Variants in HEMK1 observed in about 807,000 individuals in gnomAD.
HEMK1 encodes the protein MTRF1L release factor glutamine methyltransferase.
HEMK1 carries 36 observed loss-of-function variants against 47.9 expected under a neutral mutation model. That is an observed-to-expected ratio of 0.75 (90% CI 0.58 to 0.99). The LOEUF (loss-of-function observed/expected upper bound fraction) is 0.99. Ranked by LOEUF, HEMK1 falls within the 50% of genes least tolerant of loss-of-function variation. The pLI, the probability that HEMK1 is intolerant of heterozygous loss-of-function variation, is 0.00. For missense variants in HEMK1, 383 were observed against 434.5 expected (o/e 0.88, Z 1.05); for synonymous variants, 153 against 165.4 (o/e 0.93, Z 0.57).
At chr3:50,576,910 T>C in intron 4 of HEMK1, 142 bp from the exon 5 acceptor site, 9 of 985,294 alleles carry the variant, frequency 9.1e-6, no homozygotes, top group Non-Finnish European at 1.4e-5. Context: ...GACTTGGCCA[T>C]GCCCCAGCTG....
At chr3:50,572,369 G>C (rs1442206807) in intron 4 of HEMK1, among the ~76,000 whole-genome samples, 161 bp downstream of exon 4, 1 of 152,182 alleles carries the variant, frequency 6.6e-6, no homozygotes. Context: ...GCAGAGCCCA[G>C]AGGACAGAGG....
In HEMK1 at chr3:50,581,572, G is replaced by A. The variant is rs2030812453; in HGVS notation, c.*1155G>A. 6.6e-6 allele frequency: 1 copy of A among 152,276 alleles called. No homozygotes were observed. 9.4% of individuals were successfully genotyped at this position (152,276 alleles called of 1,614,324 possible). On this transcript the variant is annotated 3_prime_UTR_variant, in exon 11 of 11. Transcript: ENST00000232854. Reference sequence around the variant, plus strand: ...CCCTATGAGAAGCTGGCTCTTCTGAGTCCAGGGCCAACGCCAACTGGCAAC... The same window carrying A: ...CCCTATGAGAAGCTGGCTCTTCTGAATCCAGGGCCAACGCCAACTGGCAAC...
At chr3:50,576,157 C>T (rs1017797069) in intron 4 of HEMK1, among the ~76,000 whole-genome samples, 1 of 152,208 alleles carries the variant, frequency 6.6e-6, no homozygotes, top group Admixed American at 6.5e-5. Flanking sequence ...AGGGAATTCC[C>T]TGTCCCTTTG....
chr3:50,580,714 C>T lies in HEMK1; in HGVS notation c.*297C>T. ...GTTTTGTCCATGACTTGCAGGTCCCCTGACCCCCTTACTCCCAGGTAGCAC... is the reference window on the plus strand; with the variant it reads ...GTTTTGTCCATGACTTGCAGGTCCCTTGACCCCCTTACTCCCAGGTAGCAC... On this transcript the variant is annotated 3_prime_UTR_variant, in exon 11 of 11. Transcript: ENST00000232854. 1 of 477,008 alleles carries T rather than the reference C, an allele frequency of 2.1e-6. No homozygotes were observed. The highest frequency in any genetic ancestry group is 3.8e-6 in the Non-Finnish European group (1 of 265,380). The allele number at this position is 477,008 out of a possible 1,614,324, so 29.5% of individuals were successfully genotyped here.
chr3:50,571,117 G>C lies in HEMK1; in HGVS notation c.13G>C (p.Gly5Arg), dbSNP rs751238306. The change falls in exon 2 of 11, where the codon GGC becomes CGC. Residue 5 changes from glycine (G) to arginine (R), a missense_variant. Transcript: ENST00000232854. MELW[G>R]RMLWALLSGP... ...CTTTCCCTGAGACATGGAGCTTTGG[G>C]GCCGAATGCTGTGGGCCCTCCTGTC... 6.3e-7 allele frequency: 1 copy of C among 1,593,878 alleles called. No individual in the cohort carries two copies. Among genetic ancestry groups the C allele is most frequent in the Non-Finnish European group, 8.5e-7 (1 of 1,170,668 alleles).
At position 50,571,266 on chromosome 3, in the gene HEMK1, G is replaced by T; in HGVS notation, c.162G>T (p.Lys54Asn). 1 of 1,613,362 alleles carries T rather than the reference G, an allele frequency of 6.2e-7. No individual in the cohort carries two copies. Among genetic ancestry groups the T allele is most frequent in the Non-Finnish European group, 8.5e-7 (1 of 1,179,684 alleles). ...GCCACTGGACTGGGGTCTTTGAGAA[G>T]AGGGGTATCCCTGAGGCCCGGGAAT... Reference protein sequence around the residue: ...LVSHWTGVFEKRGIPEARESS... With the variant: ...LVSHWTGVFENRGIPEARESS... The change falls in exon 2 of 11, where the codon AAG becomes AAT. Residue 54 changes from lysine (K) to asparagine (N), a missense_variant. By Grantham distance (94) the Lys-to-Asn change is moderately conservative (BLOSUM62 0). Coordinates refer to ENST00000232854, the MANE Select transcript of HEMK1 (RefSeq NM_016173.5).
rs1305048770 is a variant in HEMK1 at position 50,580,772 on chromosome 3, C to T, written c.*355C>T. 8.5e-6 allele frequency: 3 copies of T among 352,068 alleles called. No individual in the cohort carries two copies. Among genetic ancestry groups the T allele is most frequent in the African/African-American group, 6.4e-5 (3 of 47,120 alleles). The allele number at this position is 352,068 out of a possible 1,614,324, so 21.8% of individuals were successfully genotyped here. On this transcript the variant is annotated 3_prime_UTR_variant, in exon 11 of 11. Coordinates refer to ENST00000232854, the MANE Select transcript of HEMK1 (RefSeq NM_016173.5). ...AGGGTTTCCTTCTGCCCCAGCAGGG[C>T]TGGCCGTCAGTCCCCTGCTTGGTAG...
Position 50,595,873 on chromosome 3 carries a change from C to A in HEMK1, c.*15456C>A, listed in dbSNP as rs141665357. On this transcript the variant is annotated 3_prime_UTR_variant, in exon 11 of 11. Transcript: ENST00000232854. ...TCCTGCAAACAACGCAGGGGAGCCA[C>A]GCAAAGGAAGAGGTTTCCACACCTG... is the stretch of plus-strand genomic sequence containing the variant. The A allele has an allele frequency of 1.3e-5, 2 of 152,178 alleles. No individual in the cohort carries two copies. The highest frequency in any genetic ancestry group is 2.9e-5 in the Non-Finnish European group (2 of 68,036). 9.4% of individuals were successfully genotyped at this position (152,178 alleles called of 1,614,324 possible).
In HEMK1 at chr3:50,588,886, C is replaced by T. The variant is rs2031564187; in HGVS notation, c.*8469C>T. On this transcript the variant is annotated 3_prime_UTR_variant, in exon 11 of 11. Coordinates refer to ENST00000232854, the MANE Select transcript of HEMK1 (RefSeq NM_016173.5). ...CAGCTCAATAACTGACCATTGCTCA[C>T]TACTCTCTTGGCCCGCACTGAAAGC... 6.6e-6 allele frequency: 1 copy of T among 152,234 alleles called. No individual in the cohort carries two copies. Among genetic ancestry groups the T allele is most frequent in the African/African-American group, 2.4e-5 (1 of 41,452 alleles). The allele number at this position is 152,234 out of a possible 1,614,324, so 9.4% of individuals were successfully genotyped here. A position where few individuals can be genotyped will look rare whatever the true frequency, so the allele number is the denominator to read the frequency against.
intron 8 of HEMK1, 59 bp downstream of exon 8, chr3:50,578,985 G>C: frequency 7.8e-7 from 1 of 1,280,578 alleles, no homozygotes; most frequent in Non-Finnish European, 1.1e-6. Flanking sequence ...GGATTAGTCT[G>C]CCCTCGAGGA....
chr3:50,582,755 G>A lies in HEMK1; in HGVS notation c.*2338G>A, dbSNP rs1395893185. On this transcript the variant is annotated 3_prime_UTR_variant, in exon 11 of 11. Coordinates refer to ENST00000232854, the MANE Select transcript of HEMK1 (RefSeq NM_016173.5). Reference sequence around the variant, plus strand: ...AAGGGAAGGCAGGAGTTTCAGTCTTGGGCTCTTGACTCCTCACTGTTGTCT... The same window carrying A: ...AAGGGAAGGCAGGAGTTTCAGTCTTAGGCTCTTGACTCCTCACTGTTGTCT... 2.0e-5 allele frequency: 3 copies of A among 152,454 alleles called. No homozygotes were observed. The highest frequency in any genetic ancestry group is 3.4e-3 in the Middle Eastern group (1 of 294). 9.4% of individuals were successfully genotyped at this position (152,454 alleles called of 1,614,324 possible).
chr3:50,582,969 C>A lies in HEMK1; in HGVS notation c.*2552C>A. On this transcript the variant is annotated 3_prime_UTR_variant, in exon 11 of 11. Coordinates refer to ENST00000232854, the MANE Select transcript of HEMK1 (RefSeq NM_016173.5). Reference sequence around the variant, plus strand: ...AAGCCAGAGACTCGAACAGCCTCCCCACCACCACCAGCATATGTCAAGGAG... The same window carrying A: ...AAGCCAGAGACTCGAACAGCCTCCCAACCACCACCAGCATATGTCAAGGAG... 6.5e-6 allele frequency: 1 copy of A among 152,672 alleles called. No homozygotes were observed. 9.5% of individuals were successfully genotyped at this position (152,672 alleles called of 1,614,324 possible). A position where few individuals can be genotyped will look rare whatever the true frequency, so the allele number is the denominator to read the frequency against.
At position 50,592,966 on chromosome 3, in the gene HEMK1, G is replaced by A. The variant is rs923275700; in HGVS notation, c.*12549G>A. 1 of 152,338 alleles carries A rather than the reference G, an allele frequency of 6.6e-6. No homozygotes were observed. The highest frequency in any genetic ancestry group is 2.4e-5 in the African/African-American group (1 of 41,446). The allele number at this position is 152,338 out of a possible 1,614,324, so 9.4% of individuals were successfully genotyped here. ...TGTGCCTATATTTGGCAGGGTGAGG[G>A]GTGGGGGCCAGACAAATTGTAGAGG... On this transcript the variant is annotated 3_prime_UTR_variant, in exon 11 of 11. Coordinates refer to ENST00000232854, the MANE Select transcript of HEMK1 (RefSeq NM_016173.5).
Position 50,579,852 on chromosome 3 carries a change from A to G in HEMK1, c.779A>G (p.Asp260Gly), listed in dbSNP as rs2030498638. The change falls in exon 9 of 11, where the codon GAC becomes GGC. Residue 260 changes from aspartate to glycine, a missense_variant. Physicochemically the swap from Asp to Gly is moderately conservative, Grantham distance 94. Transcript: ENST00000232854. The stretch of plus-strand genomic sequence containing the variant: ...ACTGCTTTGCCTTTCAGCTATGAAG[A>G]CCCCGCGGCCCTGGATGGTGGGGAG... Reference protein sequence around the residue: ...QLAPEIRSYEDPAALDGGEEG... With the variant: ...QLAPEIRSYEGPAALDGGEEG... The G allele has an allele frequency of 6.2e-7, 1 of 1,612,464 alleles. No individual in the cohort carries two copies. The highest frequency in any genetic ancestry group is 8.5e-7 in the Non-Finnish European group (1 of 1,179,132).
At position 50,571,029 on chromosome 3, in the gene HEMK1, G is replaced by C; in HGVS notation, c.-76G>C. The C allele has an allele frequency of 5.9e-6, 7 of 1,191,852 alleles. No individual in the cohort carries two copies. Among genetic ancestry groups the C allele is most frequent in the South Asian group, 3.0e-5 (2 of 67,248 alleles). The allele number at this position is 1,191,852 out of a possible 1,614,324, so 73.8% of individuals were successfully genotyped here. Reference sequence around the variant, plus strand: ...CAGCTGGGTCCAGGGGCCACTCTCAGCACTCACCTCAGCAGCTGACATCAT... The same window carrying C: ...CAGCTGGGTCCAGGGGCCACTCTCACCACTCACCTCAGCAGCTGACATCAT... On this transcript the variant is annotated 5_prime_UTR_variant, in exon 2 of 11. Coordinates refer to ENST00000232854, the MANE Select transcript of HEMK1 (RefSeq NM_016173.5).
At chr3:50,569,479 C>A (rs999235659), upstream of HEMK1, 5 of 151,076 alleles carry the variant, frequency 3.3e-5, no homozygotes, top group African/African-American at 1.2e-4. Flanking sequence ...GGAAGCGGGG[C>A]GTCCGAGGGA....
intron 4 of HEMK1, among the ~76,000 whole-genome samples, chr3:50,574,086 G>T (rs1701309575): frequency 6.6e-6 from 1 of 152,224 alleles, no homozygotes; most frequent in Non-Finnish European, 1.5e-5. Context: ...GCCTCTTGAT[G>T]GGGTATGGAG....
In HEMK1 at chr3:50,584,439, A is replaced by AT. The variant is rs1248333942; in HGVS notation, c.*4024dup. The AT allele has an allele frequency of 6.6e-6, 1 of 152,258 alleles. No individual in the cohort carries two copies. Among genetic ancestry groups the AT allele is most frequent in the African/African-American group, 2.4e-5 (1 of 41,460 alleles). The allele number at this position is 152,258 out of a possible 1,614,324, so 9.4% of individuals were successfully genotyped here. On this transcript the variant is annotated 3_prime_UTR_variant, in exon 11 of 11. Coordinates refer to ENST00000232854, the MANE Select transcript of HEMK1 (RefSeq NM_016173.5). The stretch of plus-strand genomic sequence containing the variant: ...TAGCAAAATGGACTTTGCAGATGTG[A>AT]TTAAGGATCTTGAGATGGAAGGAGT...
In HEMK1 at chr3:50,580,098, C is replaced by T; in HGVS notation, c.867-18C>T. The T allele has an allele frequency of 6.2e-7, 1 of 1,604,200 alleles. No individual in the cohort carries two copies. Among genetic ancestry groups the T allele is most frequent in the Non-Finnish European group, 8.5e-7 (1 of 1,171,014 alleles). On this transcript the variant is annotated intron_variant, in intron 9 of 10. Coordinates refer to ENST00000232854, the MANE Select transcript of HEMK1 (RefSeq NM_016173.5). ...CCAGACCTGTCCTGCTGAGCCCACC[C>T]ATTTCTCCCCCATGTAGTAGTATCT...
Sources: allele counts gnomAD v4.1 joint callset (sites outside exome capture counted in the v4.1 genomes callset), GRCh38; gene constraint gnomAD v4.1.1; transcripts MANE v1.5; gene names NCBI Gene and HGNC (gene_info 2026-07-23, HGNC 2026-07-21).